Variants in CLUL1 observed in about 807,000 individuals in gnomAD.
The protein encoded by CLUL1 is clusterin like 1.
CLUL1 carries 43 observed loss-of-function variants against 49.4 expected under a neutral mutation model. The ratio of observed to expected loss-of-function variants is 0.87; its 90% confidence interval spans 0.68 to 1.12. The LOEUF (loss-of-function observed/expected upper bound fraction) is 1.12. Among genes scored for constraint, CLUL1 ranks in the 50% most tolerant of loss-of-function variants. The probability of loss-of-function intolerance (pLI) is 0.00; values close to 1 mark genes in which losing one functional copy is unlikely to be tolerated. For missense variants in CLUL1, 486 were observed against 544.4 expected (o/e 0.89, Z 1.07); for synonymous variants, 192 against 184.9 (o/e 1.04, Z -0.31).
intron 9 of CLUL1, among the ~76,000 whole-genome samples, chr18:646,113 C>T (rs961805319): frequency 5.3e-5 from 8 of 151,508 alleles, no homozygotes; most frequent in African/African-American, 1.9e-4. Flanking sequence ...GCATGTGGAG[C>T]CAGTTCTCTC....
At chr18:645,811 ATATATATATATATATATATATATAT>A (rs1184259477) in intron 9 of CLUL1, among the ~76,000 whole-genome samples, 4 of 33,490 alleles carry the variant, frequency 1.2e-4, no homozygotes, top group African/African-American at 4.7e-4. Context: ...AAAAAAAAAA[ATATATATATATATATATATATATAT>A]ATATATATAT....
In CLUL1 at chr18:612,538, C is replaced by T. The variant is rs1022815035; in HGVS notation, c.-14+5439C>T. On this transcript the variant is annotated intron_variant, in intron 2 of 9. Transcript: ENST00000692774. Reference sequence around the variant, plus strand: ...CTTAATACTCTTTGAACACGGGGCCCGTATTTTCATTTTGCACTGGGTCCT... The same window carrying T: ...CTTAATACTCTTTGAACACGGGGCCTGTATTTTCATTTTGCACTGGGTCCT... Among the ~76,000 whole-genome samples the T allele has an allele frequency of 2.0e-5, 3 of 152,158 alleles. No individual in the cohort carries two copies. The East Asian group carries it at 5.8e-4, about 29-fold the overall frequency.
intron 6 of CLUL1, among the ~76,000 whole-genome samples, chr18:632,985 C>G (rs542663843): frequency 6.6e-6 from 1 of 152,206 alleles, no homozygotes; most frequent in African/African-American, 2.4e-5. Flanking sequence ...GGCGCAACCC[C>G]ATCTCTACTA....
intron 2 of CLUL1, among the ~76,000 whole-genome samples, chr18:610,583 A>G (rs552319859): frequency 1.3e-5 from 2 of 152,326 alleles, no homozygotes; most frequent in East Asian, 3.9e-4. Flanking sequence ...AGTTTCAGGC[A>G]GTAGAAATAA....
At chr18:628,282 A>G (rs1413971142) in intron 6 of CLUL1, among the ~76,000 whole-genome samples, 1 of 152,216 alleles carries the variant, frequency 6.6e-6, no homozygotes, top group African/African-American at 2.4e-5. Flanking sequence ...CCTCTGAATC[A>G]CTACAATCAT....
At chr18:607,471 T>C (rs1010796965) in intron 2 of CLUL1, among the ~76,000 whole-genome samples, 9 of 152,156 alleles carry the variant, frequency 5.9e-5, no homozygotes, top group African/African-American at 2.2e-4. Flanking sequence ...TCTAGCTCTG[T>C]TGCCTGGGCT....
chr18:624,960 G>A lies in CLUL1; in HGVS notation c.351G>A (p.Arg117=), dbSNP rs1567964821. ...TGGCAGATTCCTGGGGTGAATGCAG[G>A]TCTTGCCTGGAAAATAACTGCATGA... ...ESLADSWGEC[R]SCLENNCMRI... is the part of the protein sequence containing the mutation. The change falls in exon 5 of 10, where the codon AGG becomes AGA. Residue 117 remains arginine, a synonymous_variant. Coordinates refer to ENST00000692774, the MANE Select transcript of CLUL1 (RefSeq NM_001393344.1). 6.2e-7 allele frequency: 1 copy of A among 1,614,116 alleles called. No individual in the cohort carries two copies. The highest frequency in any genetic ancestry group is 8.5e-7 in the Non-Finnish European group (1 of 1,180,018).
intron 9 of CLUL1, among the ~76,000 whole-genome samples, chr18:648,461 C>T (rs1377750041): frequency 1.3e-5 from 2 of 152,154 alleles, no homozygotes; most frequent in Non-Finnish European, 2.9e-5. Flanking sequence ...TCCATAATCC[C>T]ACCATCTTAA....
intron 8 of CLUL1, among the ~76,000 whole-genome samples, chr18:644,269 T>C (rs1202775447): frequency 6.6e-6 from 1 of 152,252 alleles, no homozygotes; most frequent in African/African-American, 2.4e-5. Flanking sequence ...TTCAGTTCCA[T>C]TTAAATGATT....
Position 627,314 on chromosome 18 carries a change from A to G in CLUL1, c.641A>G (p.Gln214Arg). 1 of 1,614,088 alleles carries G rather than the reference A, an allele frequency of 6.2e-7. No homozygotes were observed. The highest frequency in any genetic ancestry group is 8.5e-7 in the Non-Finnish European group (1 of 1,179,990). Residue 214 changes from glutamine (Q) to arginine (R), a missense_variant, in exon 6 of 10, where the codon CAA becomes CGA. Transcript: ENST00000692774. ...QMQQEFDQTF[Q>R]SHFISDTDLT... Reference sequence around the variant, plus strand: ...CAGCAAGAGTTTGACCAGACTTTTCAATCACATTTCATATCAGATACAGAC... The same window carrying G: ...CAGCAAGAGTTTGACCAGACTTTTCGATCACATTTCATATCAGATACAGAC...
chr18:596,988 A>G lies in CLUL1; in HGVS notation c.-277A>G, dbSNP rs960948122. The stretch of plus-strand genomic sequence containing the variant: ...CACCCGGCGTCTGCAGGCCCCGCCC[A>G]CCCTGCGTCACCTGCAGGCCCGGGC... On this transcript the variant is annotated 5_prime_UTR_variant, in exon 1 of 10. Coordinates refer to ENST00000692774, the MANE Select transcript of CLUL1 (RefSeq NM_001393344.1). 4.3e-4 allele frequency: 48 copies of G among 111,178 alleles called. 5 individuals carry two copies. Among genetic ancestry groups the G allele is most frequent in the African/African-American group, 2.0e-3 (44 of 22,550 alleles). 6.9% of individuals were successfully genotyped at this position (111,178 alleles called of 1,614,324 possible).
rs369926710 is a variant in CLUL1, at chr18:641,317, T to A, written c.995-10T>A. 2.4e-5 allele frequency: 38 copies of A among 1,612,106 alleles called. No homozygotes were observed. Among genetic ancestry groups the A allele is most frequent in the Non-Finnish European group, 3.1e-5 (37 of 1,178,952 alleles). ...TTTTTCCTTCTCCACATTACTTTCTTCTCTGCTAGACTGTCCTGATGTACC... is the reference window on the plus strand; with the variant it reads ...TTTTTCCTTCTCCACATTACTTTCTACTCTGCTAGACTGTCCTGATGTACC... On this transcript the variant is annotated splice_polypyrimidine_tract_variant and intron_variant, in intron 7 of 9. Transcript: ENST00000692774.
rs1418758706 is a variant in CLUL1, at chr18:619,291, T to C, written c.185T>C (p.Met62Thr). Reference protein sequence around the residue: ...ALTGIKQMKIMMERKEKEHTN... With the variant: ...ALTGIKQMKITMERKEKEHTN... ...ACTGGTATTAAGCAAATGAAAATCATGATGGAAAGAAAAGAGAAGGAACAC... is the reference window on the plus strand; with the variant it reads ...ACTGGTATTAAGCAAATGAAAATCACGATGGAAAGAAAAGAGAAGGAACAC... The change falls in exon 4 of 10, where the codon ATG (methionine) becomes ACG (threonine). Residue 62 changes from methionine to threonine, a missense_variant. By Grantham distance (81) the Met-to-Thr change is moderately conservative. Coordinates refer to ENST00000692774, the MANE Select transcript of CLUL1 (RefSeq NM_001393344.1). 7 of 1,613,866 alleles carry C rather than the reference T, an allele frequency of 4.3e-6. No homozygotes were observed. The highest frequency in any genetic ancestry group is 3.3e-4 in the Middle Eastern group (2 of 6,082).
Position 619,316 on chromosome 18 carries a change from C to T in CLUL1, c.210C>T (p.His70=), listed in dbSNP as rs369151164. The change falls in exon 4 of 10, where the codon CAC becomes CAT. Residue 70 remains histidine, a synonymous_variant. Transcript: ENST00000692774. ...TGATGGAAAGAAAAGAGAAGGAACA[C>T]ACCAATCTAATGAGCACCCTGAAGA... ...KIMMERKEKE[H]TNLMSTLKKC... The T allele has an allele frequency of 6.2e-7, 1 of 1,613,778 alleles. No homozygotes were observed. The highest frequency in any genetic ancestry group is 1.3e-5 in the African/African-American group (1 of 74,902).
intron 1 of CLUL1, among the ~76,000 whole-genome samples, chr18:604,875 TC>T (rs1419417360): frequency 6.6e-6 from 1 of 152,214 alleles, no homozygotes; most frequent in Non-Finnish European, 1.5e-5. Context: ...GGGGCCGAGT[TC>T]CCTGTTCGTA....
At chr18:630,980 T>C (rs1017009009) in intron 6 of CLUL1, among the ~76,000 whole-genome samples, 8 of 151,996 alleles carry the variant, frequency 5.3e-5, no homozygotes, top group African/African-American at 1.9e-4. Context: ...ACTGAATCTG[T>C]GGTAGCTGTA....
At position 626,907 on chromosome 18, in the gene CLUL1, GAAAGAAAGAAAGAAAGAAA is replaced by G. The variant is rs1305831372; in HGVS notation, c.424-189_424-171del. Among the ~76,000 whole-genome samples the G allele has an allele frequency of 5.6e-4, 14 of 25,200 alleles. 1 individual carries two copies. The highest frequency in any genetic ancestry group is 2.8e-3 in the African/African-American group (14 of 5,024). 16.5% of individuals were successfully genotyped at this position (25,200 alleles called of 152,430 possible). On this transcript the variant is annotated intron_variant, in intron 5 of 9. Transcript: ENST00000692774. The stretch of plus-strand genomic sequence containing the variant: ...AGAAAGAAAGAAAGAAAGAAAGAAA[GAAAGAAAGAAAGAAAGAAA>G]GAAGGAAAGAAGGAAAGAAGGAAGG...
intron 4 of CLUL1, among the ~76,000 whole-genome samples, chr18:619,935 C>G (rs2144012656): frequency 6.6e-6 from 1 of 152,214 alleles, no homozygotes; most frequent in East Asian, 1.9e-4. Flanking sequence ...GTCCCGAACT[C>G]TGGGGCTCAA....
intron 7 of CLUL1, among the ~76,000 whole-genome samples, chr18:638,325 ATAGTT>A (rs2074218747): frequency 6.6e-6 from 1 of 152,254 alleles, no homozygotes; most frequent in Admixed American, 6.5e-5. Flanking sequence ...CCCAGCTAAA[ATAGTT>A]TATTAATAAT....
Sources: allele counts gnomAD v4.1 joint callset (sites outside exome capture counted in the v4.1 genomes callset), GRCh38; gene constraint gnomAD v4.1.1; transcripts MANE v1.5; gene names NCBI Gene and HGNC (gene_info 2026-07-23, HGNC 2026-07-21).